The following SDCCAG8 variants were observed in gnomAD, a reference collection of about 807,000 sequenced individuals.
SDCCAG8 encodes the protein serologically defined colon cancer antigen 8.
SDCCAG8 carries 74 observed loss-of-function variants against 101.8 expected under a neutral mutation model. The ratio of observed to expected loss-of-function variants is 0.73; its 90% CI spans 0.60 to 0.88. The LOEUF is 0.88. Ranked by LOEUF, SDCCAG8 falls within the 40% of genes least tolerant of loss-of-function variation. SDCCAG8 has a pLI of 0.00. For missense variants in SDCCAG8, 787 were observed against 822.6 expected (o/e 0.96, Z 0.53); for synonymous variants, 281 against 292.9 (o/e 0.96, Z 0.41).
chr1:243,399,864 G>C (rs1397978428), intron 13 of SDCCAG8, among the ~76,000 whole-genome samples: 3 of 152,080 alleles, frequency 2.0e-5, no homozygotes, highest in Admixed American at 1.3e-4. Context: ...CCGCATAAAC[G>C]CTGCTTACCC....
At chr1:243,283,802 G>C (rs538993593) in intron 4 of SDCCAG8, among the ~76,000 whole-genome samples, 1 of 152,104 alleles carries the variant, frequency 6.6e-6, no homozygotes, top group South Asian at 2.1e-4. Flanking sequence ...GTGCAGTGGC[G>C]TGATCTTGGC....
rs144146452 is a variant in SDCCAG8, at chr1:243,338,980, A to AG, written c.1222-2058dup. ...AAAGAAGGTGTGACAACAGGAGGGG[A>AG]GACCTCAGAAAGTGGGGTGGGCGGC... On this transcript the variant is annotated intron_variant, in intron 10 of 17. Coordinates refer to ENST00000366541, the MANE Select transcript of SDCCAG8 (RefSeq NM_006642.5). The AG allele has an allele frequency of 4.2e-3, 514 of 122,284 alleles. 23 individuals carry two copies. Among genetic ancestry groups the AG allele is most frequent in the Non-Finnish European group, 6.3e-3 (354 of 56,158 alleles). 7.6% of individuals were successfully genotyped at this position (122,284 alleles called of 1,614,324 possible).
intron 9 of SDCCAG8, among the ~76,000 whole-genome samples, chr1:243,325,377 A>G (rs1209118815): frequency 3.9e-5 from 6 of 152,084 alleles, no homozygotes; most frequent in African/African-American, 1.5e-4. Context: ...GAAACACACT[A>G]GAATTTTTGC....
intron 16 of SDCCAG8, among the ~76,000 whole-genome samples, chr1:243,441,683 G>A (rs1007142826): frequency 6.6e-6 from 1 of 152,136 alleles, no homozygotes; most frequent in Non-Finnish European, 1.5e-5. Context: ...ATATATATAT[G>A]TAAATATAGG....
chr1:243,360,900 G>GTGGT (rs1296592906), intron 12 of SDCCAG8, among the ~76,000 whole-genome samples: 1 of 152,084 alleles, frequency 6.6e-6, no homozygotes, highest in Non-Finnish European at 1.5e-5. Flanking sequence ...AAACCATCCA[G>GTGGT]TGGTTCCTAC....
intron 12 of SDCCAG8, among the ~76,000 whole-genome samples, chr1:243,375,147 G>A (rs1015965834): frequency 3.9e-5 from 6 of 152,006 alleles, no homozygotes; most frequent in African/African-American, 1.4e-4. Context: ...AGGGTGGGTG[G>A]TGCGAGACCT....
intron 16 of SDCCAG8, among the ~76,000 whole-genome samples, chr1:243,454,566 C>G (rs1269714381): frequency 6.6e-6 from 1 of 152,120 alleles, no homozygotes; most frequent in African/African-American, 2.4e-5. Flanking sequence ...GGGAAGAGGT[C>G]GCCGTTTTTG....
At position 243,459,859 on chromosome 1, in the gene SDCCAG8, C is replaced by T. The variant is rs145495581; in HGVS notation, c.1986-29155C>T. ...GCCTCAAGTGATCCTCCTGCCCAGG[C>T]CTCGAGAAGCTAGTAAGTTTCTAAT... On this transcript the variant is annotated intron_variant, in intron 16 of 17. Coordinates refer to ENST00000366541, the MANE Select transcript of SDCCAG8 (RefSeq NM_006642.5). 3.2e-4 allele frequency among the ~76,000 whole-genome samples: 49 copies of T among 152,294 alleles called. No individual in the cohort carries two copies. In the East Asian group the frequency reaches 8.9e-3, roughly 28 times the overall value.
chr1:243,289,774 A>C (rs1454853614), intron 5 of SDCCAG8, among the ~76,000 whole-genome samples: 1 of 152,204 alleles, frequency 6.6e-6, no homozygotes, highest in African/African-American at 2.4e-5. Context: ...GCCTTTCTGC[A>C]TAAGTTAGGA....
rs866695110 is a variant in SDCCAG8, at chr1:243,358,714, A to G, written c.1473+14383A>G. Among the ~76,000 whole-genome samples, 5 of 152,330 alleles carry G rather than the reference A, an allele frequency of 3.3e-5. No homozygotes were observed. In the Middle Eastern group the frequency reaches 0.01, roughly 311 times the overall value. ...CTGCCAATACCCCAAATGTCTATCA[A>G]CTGATGAATGGATAAATAAAATGTG... is the stretch of plus-strand genomic sequence containing the variant. On this transcript the variant is annotated intron_variant, in intron 12 of 17. Coordinates refer to ENST00000366541, the MANE Select transcript of SDCCAG8 (RefSeq NM_006642.5).
At chr1:243,421,927 G>A (rs993146593) in intron 15 of SDCCAG8, among the ~76,000 whole-genome samples, 6 of 152,060 alleles carry the variant, frequency 3.9e-5, no homozygotes, top group African/African-American at 2.4e-5. Context: ...CTCTCCCCAC[G>A]CGCTTAGATG....
intron 13 of SDCCAG8, among the ~76,000 whole-genome samples, chr1:243,392,030 A>T (rs1336365179): frequency 6.6e-6 from 1 of 152,090 alleles, no homozygotes. Context: ...TCTATTTCTG[A>T]TTATTTTTTG....
intron 16 of SDCCAG8, among the ~76,000 whole-genome samples, chr1:243,459,241 G>A (rs530739229): frequency 3.3e-5 from 5 of 152,248 alleles, no homozygotes; most frequent in Admixed American, 3.3e-4. Flanking sequence ...GTGGAGGCTC[G>A]GAGGGAGGAA....
chr1:243,397,708 A>G (rs1412628287), intron 13 of SDCCAG8, among the ~76,000 whole-genome samples: 2 of 152,234 alleles, frequency 1.3e-5, no homozygotes, highest in Non-Finnish European at 2.9e-5. Flanking sequence ...TTTGCTGGCC[A>G]CAATCTGCAG....
In SDCCAG8 at chr1:243,293,231, G is replaced by A. The variant is rs2070448915; in HGVS notation, c.675+12G>A. On this transcript the variant is annotated intron_variant, in intron 6 of 17. Transcript: ENST00000366541. ...AGCAGCTAGAACTGGTGAGTATTTG[G>A]GTGCTTTTCTCTTATACATCTTTTT... 1 of 1,613,608 alleles carries A rather than the reference G, an allele frequency of 6.2e-7. No homozygotes were observed. Among genetic ancestry groups the A allele is most frequent in the Non-Finnish European group, 8.5e-7 (1 of 1,179,774 alleles).
intron 1 of SDCCAG8, among the ~76,000 whole-genome samples, chr1:243,269,730 CCT>C (rs1467927656): frequency 6.6e-6 from 1 of 152,120 alleles, no homozygotes; most frequent in Non-Finnish European, 1.5e-5. Context: ...CTTTCGTCCC[CCT>C]CTGTCTCCAA....
chr1:243,302,611 G>C (rs1179166505), intron 6 of SDCCAG8, among the ~76,000 whole-genome samples: 1 of 152,198 alleles, frequency 6.6e-6, no homozygotes, highest in Non-Finnish European at 1.5e-5. Flanking sequence ...CTTTGTCCCT[G>C]AAGTTAGGAA....
chr1:243,274,524 T>G lies in SDCCAG8; in HGVS notation c.307-19T>G. On this transcript the variant is annotated intron_variant, in intron 3 of 17. Coordinates refer to ENST00000366541, the MANE Select transcript of SDCCAG8 (RefSeq NM_006642.5). ...AAATTTATGTATTTATGTATTTATTTATTTATTTTTTGTCATAGAGGTCAT... is the reference window on the plus strand; with the variant it reads ...AAATTTATGTATTTATGTATTTATTGATTTATTTTTTGTCATAGAGGTCAT... The G allele has an allele frequency of 1.4e-5, 19 of 1,321,110 alleles. No individual in the cohort carries two copies. The highest frequency in any genetic ancestry group is 2.1e-5 in the Non-Finnish European group (19 of 918,188). The allele number at this position is 1,321,110 out of a possible 1,614,324, so 81.8% of individuals were successfully genotyped here.
chr1:243,398,487 C>T (rs1305923573), intron 13 of SDCCAG8, among the ~76,000 whole-genome samples: 1 of 151,968 alleles, frequency 6.6e-6, no homozygotes, highest in African/African-American at 2.4e-5. Context: ...GCAAAATGTA[C>T]TTTTTTCTCC....
Sources: allele counts gnomAD v4.1 joint callset (sites outside exome capture counted in the v4.1 genomes callset), GRCh38; gene constraint gnomAD v4.1.1; transcripts MANE v1.5; gene names NCBI Gene and HGNC (gene_info 2026-07-23, HGNC 2026-07-21).